The following AP1S2 variants were observed in gnomAD, a reference collection of about 807,000 sequenced individuals.
AP1S2 encodes adaptor related protein complex 1 subunit sigma 2.
AP1S2 carries 1 observed loss-of-function variant against 14.3 expected under a neutral mutation model. The ratio of observed to expected loss-of-function variants is 0.07; its 90% CI spans 0.02 to 0.33. The LOEUF is 0.33. Ranked by LOEUF, AP1S2 falls within the 10% of genes least tolerant of loss-of-function variation. The pLI is 0.99. For missense variants in AP1S2, 30 were observed against 117.7 expected (o/e 0.25, Z 3.45); for synonymous variants, 30 against 40.5 (o/e 0.74, Z 0.99).
At position 15,825,857 on chromosome X, in the gene AP1S2, C is replaced by T. The variant is rs1278289216; in HGVS notation, c.*1468G>A. 2.5e-5 allele frequency: 3 copies of T among 118,512 alleles called. No homozygotes were observed. Among genetic ancestry groups the T allele is most frequent in the African/African-American group, 9.8e-5 (3 of 30,507 alleles). The allele number at this position is 118,512 out of a possible 1,213,427, so 9.8% of individuals were successfully genotyped here. ...GATTGAAAATAAATGTGTAGATAGG[C>T]TCTCAGTATGGAATCCATGTTATTT... On this transcript the variant is annotated 3_prime_UTR_variant, in exon 6 of 6. Transcript: ENST00000672987.
chrX:15,847,299 T>C (rs1473815304), intron 2 of AP1S2, among the ~76,000 whole-genome samples: 1 of 97,076 alleles, frequency 1.0e-5, no homozygotes, highest in Non-Finnish European at 2.1e-5. Flanking sequence ...CTATCTTTCA[T>C]CCTTGATCAC....
At chrX:15,854,045 G>GA (rs1426207246) in intron 1 of AP1S2, among the ~76,000 whole-genome samples, 3 of 111,946 alleles carry the variant, frequency 2.7e-5, no homozygotes, top group Admixed American at 1.9e-4. Flanking sequence ...TTTGCAGGAC[G>GA]AAAAAACAAT....
chrX:15,853,322 G>T (rs1363257491), intron 1 of AP1S2, among the ~76,000 whole-genome samples: 1 of 112,383 alleles, frequency 8.9e-6, no homozygotes, highest in Admixed American at 9.4e-5. Flanking sequence ...CTGAATTCTA[G>T]TGTGTTTTAT....
At chrX:15,836,370 T>G (rs898556052) in intron 4 of AP1S2, among the ~76,000 whole-genome samples, 1 of 112,163 alleles carries the variant, frequency 8.9e-6, no homozygotes, top group African/African-American at 3.2e-5. Flanking sequence ...AAAGGACCAT[T>G]TGTTTTGCTT....
chrX:15,849,937 C>T (rs755863894), intron 2 of AP1S2, among the ~76,000 whole-genome samples: 10 of 111,964 alleles, frequency 8.9e-5, no homozygotes, highest in African/African-American at 3.3e-4. Flanking sequence ...CTTCACACTT[C>T]GCCCCATTAC....
chrX:15,830,272 G>A, intron 4 of AP1S2: 1 of 747,065 alleles, frequency 1.3e-6, no homozygotes, highest in Non-Finnish European at 1.6e-6. Flanking sequence ...GGAAAGGAGG[G>A]GAAAAAAAAA....
At chrX:15,839,072 A>T (rs1442720986) in intron 4 of AP1S2, among the ~76,000 whole-genome samples, 2 of 112,064 alleles carry the variant, frequency 1.8e-5, no homozygotes, top group Admixed American at 9.5e-5. Context: ...TAAATGTAAA[A>T]TGAAAGGCAA....
intron 4 of AP1S2, chrX:15,833,592 T>C (rs1412116210): frequency 1.6e-6 from 1 of 642,948 alleles, no homozygotes; most frequent in Non-Finnish European, 1.9e-6. Flanking sequence ...TTTTAAATAA[T>C]TTCCCAGTTT....
At chrX:15,851,886 T>A (rs1483991576) in intron 2 of AP1S2, among the ~76,000 whole-genome samples, 1 of 112,241 alleles carries the variant, frequency 8.9e-6, no homozygotes, top group Non-Finnish European at 1.9e-5. Flanking sequence ...GTCTACATAG[T>A]CAAGGTATTT....
chrX:15,833,760 C>A (rs1933506633), intron 4 of AP1S2, among the ~76,000 whole-genome samples: 1 of 111,179 alleles, frequency 9.0e-6, no homozygotes, highest in African/African-American at 3.3e-5. Context: ...CAGTTTATAC[C>A]TCTTACCACC....
intron 4 of AP1S2, among the ~76,000 whole-genome samples, chrX:15,841,533 C>T (rs1933832212): frequency 8.9e-6 from 1 of 112,091 alleles, no homozygotes; most frequent in African/African-American, 3.2e-5. Flanking sequence ...AAAATCATTT[C>T]ATGAAATTGA....
intron 4 of AP1S2, chrX:15,833,264 T>G (rs1933491381): frequency 1.3e-6 from 1 of 753,015 alleles, no homozygotes; most frequent in African/African-American, 2.3e-5. Context: ...CCCAGGAGAC[T>G]TACTATGAAC....
At chrX:15,854,638 C>T (rs1426207259) in intron 1 of AP1S2, 50 bp downstream of exon 1, 13 of 556,601 alleles carry the variant, frequency 2.3e-5, no homozygotes, top group Non-Finnish European at 2.8e-5. Context: ...CCAGTCCTCC[C>T]TCCCCCTCTC....
At chrX:15,853,351 GTATT>G (rs1934234777) in intron 1 of AP1S2, among the ~76,000 whole-genome samples, 2 of 112,499 alleles carry the variant, frequency 1.8e-5, no homozygotes, top group Non-Finnish European at 3.8e-5. Context: ...TAATTTGTAT[GTATT>G]TATTTGTGAT....
chrX:15,854,223 C>G (rs1166969625), intron 1 of AP1S2, among the ~76,000 whole-genome samples: 1 of 112,275 alleles, frequency 8.9e-6, no homozygotes, highest in Non-Finnish European at 1.9e-5. Flanking sequence ...AGCCGCGGCG[C>G]GGGCTCGGGG....
At chrX:15,843,757 A>G (rs1309919273) in intron 4 of AP1S2, among the ~76,000 whole-genome samples, 1 of 111,924 alleles carries the variant, frequency 8.9e-6, no homozygotes, top group Non-Finnish European at 1.9e-5. Flanking sequence ...TATATGAAAA[A>G]TTCCCAATTT....
At chrX:15,847,324 C>A (rs867200414) in intron 2 of AP1S2, among the ~76,000 whole-genome samples, 4 of 104,291 alleles carry the variant, frequency 3.8e-5, no homozygotes, top group Non-Finnish European at 5.9e-5. Context: ...TAAAAAAAGA[C>A]AAAAAAAAAA....
chrX:15,851,158 G>A (rs1237816284), intron 2 of AP1S2, among the ~76,000 whole-genome samples: 1 of 111,851 alleles, frequency 8.9e-6, no homozygotes, highest in East Asian at 2.8e-4. Flanking sequence ...CTAGATCACT[G>A]TAAAACATCT....
At position 15,852,329 on chromosome X, in the gene AP1S2, A is replaced by G. The variant is rs774166253; in HGVS notation, c.179+17T>C. The G allele has an allele frequency of 5.0e-6, 6 of 1,204,706 alleles. No homozygotes were observed. In the Admixed American group the frequency reaches 1.3e-4, roughly 26 times the overall value. On this transcript the variant is annotated intron_variant, in intron 2 of 5. Transcript: ENST00000672987. ...CATTTGATTCTATTTCACCTTTCTG[A>G]CAAACAAAAATTATACCTTTTGTAA...
Sources: allele counts gnomAD v4.1 joint callset (sites outside exome capture counted in the v4.1 genomes callset), GRCh38; gene constraint gnomAD v4.1.1; transcripts MANE v1.5; gene names NCBI Gene and HGNC (gene_info 2026-07-23, HGNC 2026-07-21).